FREM3: variants seen among roughly 807,000 people sequenced by gnomAD.
The protein encoded by FREM3 is FRAS1 related extracellular matrix 3, also known as FRAS1-related extracellular matrix protein 3.
A neutral mutation model predicts 129.1 loss-of-function variants in FREM3; 105 were observed. The observed-to-expected ratio is 0.81, with a 90% CI of 0.69 to 0.96. The LOEUF is 0.96. Ranked by LOEUF, FREM3 falls within the 40% of genes least tolerant of loss-of-function variation. FREM3 has a pLI of 0.00. For synonymous variants in FREM3, 1,014 were observed against 1,044.9 expected (o/e 0.97, Z 0.57); for missense variants, 2,593 against 2,666.3 (o/e 0.97, Z 0.61).
chr4:143,696,280 G>C lies in FREM3; in HGVS notation c.4396C>G (p.Arg1466Gly). 3 of 1,537,608 alleles carry C rather than the reference G, an allele frequency of 2.0e-6. No homozygotes were observed. Among genetic ancestry groups the C allele is most frequent in the Non-Finnish European group, 2.6e-6 (3 of 1,146,978 alleles). Residue 1466 changes from arginine to glycine, a missense_variant, in exon 1 of 8, where the codon CGG (arginine) becomes GGG (glycine). Coordinates refer to ENST00000329798, the MANE Select transcript of FREM3 (RefSeq NM_001168235.2). ...SSDEHHFSIT[R>G]APSLGHLESS... ...TCTAAGTGACCCAGGCTTGGAGCCC[G>C]TGTAATGCTAAAGTGATGTTCATCA...
chr4:143,583,070 AT>A (rs1287206335), intron 7 of FREM3, among the ~76,000 whole-genome samples: 3 of 151,664 alleles, frequency 2.0e-5, no homozygotes, highest in African/African-American at 7.3e-5. Flanking sequence ...TTTTGAAGAG[AT>A]GGGGTTTTGC....
chr4:143,677,265 C>G (rs1191709434), intron 2 of FREM3, among the ~76,000 whole-genome samples: 9 of 152,180 alleles, frequency 5.9e-5, no homozygotes, highest in Non-Finnish European at 1.3e-4. Context: ...TGATCTTTGA[C>G]AAACCTGACA....
At position 143,696,844 on chromosome 4, in the gene FREM3, C is replaced by T. The variant is rs903393429; in HGVS notation, c.3832G>A (p.Asp1278Asn). 2 of 1,537,608 alleles carry T rather than the reference C, an allele frequency of 1.3e-6. No homozygotes were observed. The highest frequency in any genetic ancestry group is 1.4e-5 in the African/African-American group (1 of 73,022). Residue 1278 changes from aspartate to asparagine, a missense_variant, in exon 1 of 8, where the codon GAC (aspartate) becomes AAC (asparagine). By Grantham distance (23) the Asp-to-Asn change is conservative (BLOSUM62 1). Coordinates refer to ENST00000329798, the MANE Select transcript of FREM3 (RefSeq NM_001168235.2). ...YEHDDSETKE[D>N]SFEVWLSDGK... ...TCACTCAGCCAGACCTCAAAACTGT[C>T]CTCTTTTGTCTCTGAGTCATCATGC...
At chr4:143,651,837 AC>A (rs1266692568) in intron 2 of FREM3, among the ~76,000 whole-genome samples, 1 of 152,236 alleles carries the variant, frequency 6.6e-6, no homozygotes, top group African/African-American at 2.4e-5. Context: ...GACATAGGTC[AC>A]TTTCATATAA....
intron 6 of FREM3, among the ~76,000 whole-genome samples, chr4:143,588,588 G>T (rs1480925970): frequency 6.6e-6 from 1 of 151,896 alleles, no homozygotes; most frequent in African/African-American, 2.4e-5. Flanking sequence ...ATTTTTTATG[G>T]CTGCATAGTA....
In FREM3 at chr4:143,696,690, A is replaced by T. The variant is rs1019613329; in HGVS notation, c.3986T>A (p.Ile1329Asn). The T allele has an allele frequency of 6.5e-7, 1 of 1,537,820 alleles. No homozygotes were observed. The change falls in exon 1 of 8, where the codon ATC (isoleucine) becomes AAC (asparagine). Residue 1329 changes from isoleucine (I) to asparagine (N), a missense_variant. This residue lies in a region of FREM3 where 2,276 missense variants were observed against 2,267.2 expected (regional missense o/e 1.00). Coordinates refer to ENST00000329798, the MANE Select transcript of FREM3 (RefSeq NM_001168235.2). ...TGAGTCAAGATCTGTGGCCTTGAGGATCCGATTTGTGATGATCTCAGAGTG... is the reference window on the plus strand; with the variant it reads ...TGAGTCAAGATCTGTGGCCTTGAGGTTCCGATTTGTGATGATCTCAGAGTG... ...KGHSEIITNRILKATDLDSDD... is the reference protein window; with the variant it reads ...KGHSEIITNRNLKATDLDSDD...
intron 2 of FREM3, among the ~76,000 whole-genome samples, chr4:143,636,710 T>C (rs866905645): frequency 5.3e-5 from 8 of 151,778 alleles, no homozygotes; most frequent in African/African-American, 1.9e-4. Context: ...TAATATAATC[T>C]CCTCTTTTAA....
intron 2 of FREM3, among the ~76,000 whole-genome samples, chr4:143,641,220 A>G (rs1020538013): frequency 6.6e-6 from 1 of 152,212 alleles, no homozygotes; most frequent in Non-Finnish European, 1.5e-5. Flanking sequence ...TTATGTACAC[A>G]GTGTACTCAA....
intron 4 of FREM3, among the ~76,000 whole-genome samples, chr4:143,622,385 C>T (rs1434539720): frequency 2.0e-5 from 3 of 147,688 alleles, no homozygotes; most frequent in Non-Finnish European, 4.5e-5. Flanking sequence ...TGAGCCACTG[C>T]ACCCGGCTGG....
In FREM3 at chr4:143,696,433, A is replaced by G. The variant is rs1560876535; in HGVS notation, c.4243T>C (p.Phe1415Leu). 2 of 1,537,640 alleles carry G rather than the reference A, an allele frequency of 1.3e-6. No homozygotes were observed. The highest frequency in any genetic ancestry group is 2.4e-5 in the South Asian group (2 of 84,046). ...TCTAAGTTGCCAATGGTGACATAGA[A>G]GTAGTGGTCTGTCAAAGTGTTAACC... ...DGVNTLTDHY[F>L]YVTIGNLDSV... Residue 1415 changes from phenylalanine (F) to leucine (L), a missense_variant, in exon 1 of 8, where the codon TTC becomes CTC. By Grantham distance (22) the Phe-to-Leu change is conservative. This residue lies in a region of FREM3 where 2,276 missense variants were observed against 2,267.2 expected (regional missense o/e 1.00). Transcript: ENST00000329798.
intron 2 of FREM3, among the ~76,000 whole-genome samples, chr4:143,668,812 T>C (rs2149855064): frequency 6.6e-6 from 1 of 152,346 alleles, no homozygotes; most frequent in South Asian, 2.1e-4. Flanking sequence ...CTCCTACTTT[T>C]TTGTAAATTA....
chr4:143,685,833 G>T (rs569663467), intron 2 of FREM3, among the ~76,000 whole-genome samples: 3 of 152,088 alleles, frequency 2.0e-5, no homozygotes, highest in South Asian at 4.2e-4. Flanking sequence ...ACACAGCTGT[G>T]GGGGGCACAT....
At position 143,698,504 on chromosome 4, in the gene FREM3, C is replaced by T. The variant is rs767725860; in HGVS notation, c.2172G>A (p.Gln724=). 5.9e-6 allele frequency: 9 copies of T among 1,537,588 alleles called. No homozygotes were observed. Among genetic ancestry groups the T allele is most frequent in the African/African-American group, 1.4e-5 (1 of 73,028 alleles). The part of the protein sequence containing the change: ...TVQEYQLTHF[Q]KNFLRYIDQD... ...GGTCAATGTATCGGAGGAAATTCTT[C>T]TGGAAGTGAGTGAGTTGGTATTCTT... is the stretch of plus-strand genomic sequence containing the variant. Residue 724 remains glutamine (Q), a synonymous_variant, in exon 1 of 8, where the codon CAG becomes CAA. Coordinates refer to ENST00000329798, the MANE Select transcript of FREM3 (RefSeq NM_001168235.2).
At chr4:143,610,364 C>T (rs1040802173) in intron 6 of FREM3, among the ~76,000 whole-genome samples, 3 of 152,138 alleles carry the variant, frequency 2.0e-5, no homozygotes, top group South Asian at 2.1e-4. Context: ...TGATAGTACA[C>T]GATAAATTTA....
At chr4:143,640,879 C>T (rs1034340690) in intron 2 of FREM3, among the ~76,000 whole-genome samples, 6 of 151,970 alleles carry the variant, frequency 3.9e-5, no homozygotes, top group African/African-American at 9.7e-5. Context: ...CTTACATGTC[C>T]GTAGTATATA....
chr4:143,624,260 G>C lies in FREM3; in HGVS notation c.5501C>G (p.Pro1834Arg). Residue 1834 changes from proline to arginine, a missense_variant, in exon 4 of 8, where the codon CCT becomes CGT. Coordinates refer to ENST00000329798, the MANE Select transcript of FREM3 (RefSeq NM_001168235.2). ...WKTNKQIQFN[P>R]GQTTATWRVR... is the part of the protein sequence containing the mutation. ...CCTCCATGTGGCTGTAGTCTGTCCAGGATTGAACTGGATCTGTTTATTGGT... is the reference window on the plus strand; with the variant it reads ...CCTCCATGTGGCTGTAGTCTGTCCACGATTGAACTGGATCTGTTTATTGGT... The C allele has an allele frequency of 6.5e-7, 1 of 1,536,916 alleles. No homozygotes were observed. The highest frequency in any genetic ancestry group is 8.7e-7 in the Non-Finnish European group (1 of 1,146,680).
At chr4:143,668,477 C>T (rs1739904876) in intron 2 of FREM3, among the ~76,000 whole-genome samples, 3 of 152,216 alleles carry the variant, frequency 2.0e-5, no homozygotes, top group Admixed American at 2.0e-4. Flanking sequence ...TAATAACACA[C>T]CCAATGAATA....
intron 6 of FREM3, among the ~76,000 whole-genome samples, chr4:143,597,697 G>A (rs889141610): frequency 6.6e-6 from 1 of 152,068 alleles, no homozygotes; most frequent in African/African-American, 2.4e-5. Flanking sequence ...AAACACTTAG[G>A]CATAAACTTA....
chr4:143,630,097 T>C (rs1739111780), intron 2 of FREM3, among the ~76,000 whole-genome samples: 1 of 152,150 alleles, frequency 6.6e-6, no homozygotes, highest in Non-Finnish European at 1.5e-5. Context: ...CTGCCACTTA[T>C]GAGCCATTTG....
Sources: allele counts gnomAD v4.1 joint callset (sites outside exome capture counted in the v4.1 genomes callset), GRCh38; gene constraint gnomAD v4.1.1; regional missense constraint gnomAD v4.1.1; transcripts MANE v1.5; gene names NCBI Gene and HGNC (gene_info 2026-07-23, HGNC 2026-07-21).